The following ZC3H12C variants were observed in gnomAD, a reference collection of about 807,000 sequenced individuals.
ZC3H12C encodes probable ribonuclease ZC3H12C.
A neutral mutation model predicts 76.3 loss-of-function variants in ZC3H12C; 20 were observed. The observed-to-expected ratio is 0.26, with a 90% CI of 0.18 to 0.38. ZC3H12C has a LOEUF of 0.38. ZC3H12C is among the 10% of genes least tolerant of loss of function. ZC3H12C has a pLI of 1.00. For synonymous variants in ZC3H12C, 352 were observed against 399.6 expected (o/e 0.88, Z 1.42); for missense variants, 874 against 1,086.5 (o/e 0.80, Z 2.75).
In ZC3H12C at chr11:110,170,650, TTCATATGA is replaced by T. The variant is rs1217455787; in HGVS notation, c.*4921_*4928del. 1.3e-5 allele frequency: 2 copies of T among 152,228 alleles called. No individual in the cohort carries two copies. The highest frequency in any genetic ancestry group is 3.8e-4 in the East Asian group (2 of 5,202). 9.4% of individuals were successfully genotyped at this position (152,228 alleles called of 1,614,324 possible). ...GGACTGTCCTTGGTGAATGATATTC[TTCATATGA>T]TCATATGTAATTTTGAATTCGTTGG... On this transcript the variant is annotated 3_prime_UTR_variant, in exon 6 of 6. Coordinates refer to ENST00000278590, the MANE Select transcript of ZC3H12C (RefSeq NM_033390.2).
chr11:110,124,814 G>T (rs1591468682), intron 1 of ZC3H12C, among the ~76,000 whole-genome samples: 1 of 82,782 alleles, frequency 1.2e-5, no homozygotes, highest in Non-Finnish European at 2.4e-5. Flanking sequence ...TTGCAGCTGA[G>T]ATTTTTTTTT....
chr11:110,153,390 G>C (rs1489646071), intron 3 of ZC3H12C, among the ~76,000 whole-genome samples: 1 of 152,108 alleles, frequency 6.6e-6, no homozygotes, highest in Non-Finnish European at 1.5e-5. Flanking sequence ...ATTTCACCCT[G>C]TTGGCCAGGC....
At chr11:110,098,322 C>T (rs1182276259) in intron 1 of ZC3H12C, among the ~76,000 whole-genome samples, 1 of 152,132 alleles carries the variant, frequency 6.6e-6, no homozygotes, top group African/African-American at 2.4e-5. Context: ...TATAGCTGTA[C>T]AATGTGTTTC....
At position 110,165,881 on chromosome 11, in the gene ZC3H12C, C is replaced by A; in HGVS notation, c.*144C>A. ...TATGTGAAATACTGTATCATGGAAT[C>A]TGTATGTATAGCCCCACATGGTGGA... On this transcript the variant is annotated 3_prime_UTR_variant, in exon 6 of 6. Transcript: ENST00000278590. The A allele has an allele frequency of 1.3e-6, 1 of 784,642 alleles. No individual in the cohort carries two copies. Among genetic ancestry groups the A allele is most frequent in the Non-Finnish European group, 2.0e-6 (1 of 505,842 alleles). 48.6% of individuals were successfully genotyped at this position (784,642 alleles called of 1,614,324 possible). A position where few individuals can be genotyped will look rare whatever the true frequency, so the allele number is the denominator to read the frequency against.
At chr11:110,135,765 C>G (rs896893759) in intron 1 of ZC3H12C, 1 of 147,650 alleles carries the variant, frequency 6.8e-6, no homozygotes, top group African/African-American at 2.5e-5. Flanking sequence ...GATTTTCTGC[C>G]ATAAAATTCA....
chr11:110,158,488 C>T (rs2134196465), intron 3 of ZC3H12C, among the ~76,000 whole-genome samples: 1 of 151,362 alleles, frequency 6.6e-6, no homozygotes, highest in East Asian at 2.0e-4. Flanking sequence ...CCAGCCTGGG[C>T]GATAGACCAA....
At chr11:110,161,804 G>A (rs1862486286) in intron 4 of ZC3H12C, among the ~76,000 whole-genome samples, 1 of 152,108 alleles carries the variant, frequency 6.6e-6, no homozygotes, top group South Asian at 2.1e-4. Flanking sequence ...ATCTCCTACT[G>A]GAATATTATT....
chr11:110,100,441 T>C (rs889860589), intron 1 of ZC3H12C, among the ~76,000 whole-genome samples: 1 of 152,182 alleles, frequency 6.6e-6, no homozygotes, highest in East Asian at 1.9e-4. Context: ...TTCACAGACA[T>C]TGCTTTTTGG....
intron 1 of ZC3H12C, among the ~76,000 whole-genome samples, chr11:110,121,401 G>C (rs776521675): frequency 6.6e-6 from 1 of 152,162 alleles, no homozygotes; most frequent in Non-Finnish European, 1.5e-5. Flanking sequence ...AGCTGTTCAG[G>C]ATGATTCATA....
intron 4 of ZC3H12C, among the ~76,000 whole-genome samples, chr11:110,160,617 A>G (rs185233204): frequency 6.6e-6 from 1 of 152,036 alleles, no homozygotes; most frequent in Admixed American, 6.6e-5. Context: ...ACCCCCACAT[A>G]TTGTTCCCCT....
intron 1 of ZC3H12C, among the ~76,000 whole-genome samples, chr11:110,133,173 A>G (rs1433833101): frequency 6.6e-6 from 1 of 152,170 alleles, no homozygotes; most frequent in Non-Finnish European, 1.5e-5. Context: ...AGTAAGGGCA[A>G]TCGTTTGCTA....
intron 1 of ZC3H12C, among the ~76,000 whole-genome samples, chr11:110,117,389 T>C (rs1199684372): frequency 1.3e-5 from 2 of 152,074 alleles, no homozygotes; most frequent in Non-Finnish European, 2.9e-5. Flanking sequence ...TCTAAATCTT[T>C]TATGTAGGAG....
intron 1 of ZC3H12C, among the ~76,000 whole-genome samples, chr11:110,129,980 A>G (rs1861830885): frequency 6.6e-6 from 1 of 152,146 alleles, no homozygotes; most frequent in African/African-American, 2.4e-5. Flanking sequence ...TATATACTTT[A>G]TACACTACAA....
chr11:110,102,946 T>C (rs1489874924), intron 1 of ZC3H12C, among the ~76,000 whole-genome samples: 1 of 152,218 alleles, frequency 6.6e-6, no homozygotes, highest in Non-Finnish European at 1.5e-5. Context: ...TTTTTAGACA[T>C]AATGCTATTA....
At position 110,137,266 on chromosome 11, in the gene ZC3H12C, G is replaced by A; in HGVS notation, c.625G>A (p.Asp209Asn). 1 of 1,613,930 alleles carries A rather than the reference G, an allele frequency of 6.2e-7. No individual in the cohort carries two copies. Among genetic ancestry groups the A allele is most frequent in the Non-Finnish European group, 8.5e-7 (1 of 1,179,872 alleles). Residue 209 changes from aspartate to asparagine, a missense_variant, in exon 2 of 6, where the codon GAT becomes AAT. Physicochemically the swap from Asp to Asn is conservative, Grantham distance 23. Around this residue, in one of 3 missense-constraint regions of ZC3H12C, gnomAD observed 269 missense variants for 424.9 expected, o/e 0.63. Transcript: ENST00000278590. ...LVKLGNKSEA[D>N]QTVSTINTIT... ...CAAACTTGGAAATAAAAGTGAGGCT[G>A]ATCAAACGGTTAGTACAATTAACAC...
rs755501364 is a variant in ZC3H12C, at chr11:110,165,394, G to A, written c.2309G>A (p.Arg770His). 1.2e-6 allele frequency: 2 copies of A among 1,613,914 alleles called. No individual in the cohort carries two copies. The highest frequency in any genetic ancestry group is 1.7e-6 in the Non-Finnish European group (2 of 1,179,876). ...TCACGACAAAGAAAGCCTTATTCCC[G>A]CCAGGAAGGCCTGGGAAGCTGGGAG... ...SPSRQRKPYS[R>H]QEGLGSWERP... Residue 770 changes from arginine (R) to histidine (H), a missense_variant, in exon 6 of 6, where the codon CGC (arginine) becomes CAC (histidine). This residue lies in a region of ZC3H12C where 395 missense variants were observed against 434.4 expected (regional missense o/e 0.91). Transcript: ENST00000278590.
chr11:110,114,136 A>G (rs1472633757), intron 1 of ZC3H12C, among the ~76,000 whole-genome samples: 1 of 152,068 alleles, frequency 6.6e-6, no homozygotes, highest in Non-Finnish European at 1.5e-5. Flanking sequence ...TTCATCACAC[A>G]GTTTTCTGTA....
chr11:110,159,173 TAG>T, intron 3 of ZC3H12C, 81 bp from the exon 4 acceptor site: 1 of 1,048,256 alleles, frequency 9.5e-7, no homozygotes, highest in Middle Eastern at 2.0e-4. Flanking sequence ...GCTTATGTTT[TAG>T]AGTTTCACAT....
chr11:110,150,053 C>A (rs571973567), intron 2 of ZC3H12C, among the ~76,000 whole-genome samples: 35 of 152,052 alleles, frequency 2.3e-4, no homozygotes, highest in Non-Finnish European at 3.4e-4. Flanking sequence ...GATTAAAATG[C>A]AGTTTTATTT....
Sources: gnomAD v4.1 joint callset for allele counts (sites outside exome capture counted in the v4.1 genomes callset) on GRCh38, gnomAD v4.1.1 for gene constraint, gnomAD v4.1.1 regional missense constraint, MANE v1.5 for transcripts, NCBI Gene and HGNC (gene_info 2026-07-23, HGNC 2026-07-21) for gene names.